DPYSL2: variants seen among roughly 807,000 people sequenced by gnomAD.
The protein encoded by DPYSL2 is dihydropyrimidinase like 2, also known as dihydropyrimidinase-related protein 2.
DPYSL2 carries 13 observed loss-of-function variants against 69.9 expected under a neutral mutation model. The observed-to-expected ratio is 0.19, with a 90% CI of 0.12 to 0.30. DPYSL2 has a LOEUF of 0.30. Ranked by LOEUF, DPYSL2 falls within the 10% of genes least tolerant of loss-of-function variation. DPYSL2 has a pLI of 1.00. For missense variants in DPYSL2, 587 were observed against 918.9 expected (o/e 0.64, Z 4.67); for synonymous variants, 326 against 359.1 (o/e 0.91, Z 1.04).
At chr8:26,604,374 G>A (rs1174340517) in intron 3 of DPYSL2, among the ~76,000 whole-genome samples, 1 of 152,230 alleles carries the variant, frequency 6.6e-6, no homozygotes, top group Non-Finnish European at 1.5e-5. Flanking sequence ...GAAAGCCAAT[G>A]AGTATTCTGC....
At chr8:26,590,274 A>G (rs62491913) in intron 3 of DPYSL2, among the ~76,000 whole-genome samples, 2,462 of 152,310 alleles carry the variant, frequency 0.016, 31 homozygotes, top group Middle Eastern at 0.068. Context: ...ACGTTATCCA[A>G]TGGGCCATTG....
intron 1 of DPYSL2, among the ~76,000 whole-genome samples, chr8:26,546,852 C>T (rs947130462): frequency 8.0e-6 from 1 of 124,736 alleles, no homozygotes; most frequent in Non-Finnish European, 1.6e-5. Flanking sequence ...ACCCGAGAGG[C>T]GGAGCTTGCA....
rs985772276 is a variant in DPYSL2 at position 26,621,468 on chromosome 8, T to A, written c.629-2675T>A. 2.6e-5 allele frequency among the ~76,000 whole-genome samples: 4 copies of A among 152,148 alleles called. No homozygotes were observed. The highest frequency in any genetic ancestry group is 4.4e-5 in the Non-Finnish European group (3 of 68,024). ...CCCCTCCTTTGCTGCTTGACCTGATTGCAAGTGGAATGTGAGAGCCAGAAG... is the reference window on the plus strand; with the variant it reads ...CCCCTCCTTTGCTGCTTGACCTGATAGCAAGTGGAATGTGAGAGCCAGAAG... On this transcript the variant is annotated intron_variant, in intron 3 of 13. Transcript: ENST00000521913. This position sits in a 1 kb window ranked among gnomAD's most constrained non-coding sequence, Gnocchi z 4.9.
chr8:26,603,290 A>C (rs1481779321), intron 3 of DPYSL2, among the ~76,000 whole-genome samples: 1 of 152,008 alleles, frequency 6.6e-6, no homozygotes, highest in African/African-American at 2.4e-5. Flanking sequence ...CTCCTGCCTC[A>C]GCCTTCTGAG....
Position 26,644,031 on chromosome 8 carries a change from G to A in DPYSL2, c.1365G>A (p.Leu455=). Residue 455 remains leucine (L), a synonymous_variant, in exon 10 of 14, where the codon CTG becomes CTA. Coordinates refer to ENST00000521913, the MANE Select transcript of DPYSL2 (RefSeq NM_001197293.3). This position sits in a 1 kb window ranked among gnomAD's most constrained non-coding sequence, Gnocchi z 4.5. ...CTGTAGGAAAGGACAACTTCACCCT[G>A]ATTCCGGAGGGCACCAATGGCACTG... The part of the protein sequence containing the change: ...QKAVGKDNFT[L]IPEGTNGTEE... 1 of 1,614,242 alleles carries A rather than the reference G, an allele frequency of 6.2e-7. No individual in the cohort carries two copies. Among genetic ancestry groups the A allele is most frequent in the Non-Finnish European group, 8.5e-7 (1 of 1,180,036 alleles).
At chr8:26,592,573 A>G (rs562468413) in intron 3 of DPYSL2, among the ~76,000 whole-genome samples, 149 of 151,140 alleles carry the variant, frequency 9.9e-4, no homozygotes, top group African/African-American at 3.5e-3. Flanking sequence ...CCTCCCAGGT[A>G]CAAGCCATTC....
chr8:26,594,748 C>A (rs897072449), intron 3 of DPYSL2, among the ~76,000 whole-genome samples: 6 of 152,174 alleles, frequency 3.9e-5, no homozygotes, highest in Non-Finnish European at 8.8e-5. Context: ...CAGTTGCATG[C>A]CACCTGATTC....
chr8:26,593,789 G>T lies in DPYSL2; in HGVS notation c.628+9806G>T, dbSNP rs1170667702. Among the ~76,000 whole-genome samples, 1 of 152,156 alleles carries T rather than the reference G, an allele frequency of 6.6e-6. No individual in the cohort carries two copies. Among genetic ancestry groups the T allele is most frequent in the Admixed American group, 6.5e-5 (1 of 15,280 alleles). Reference sequence around the variant, plus strand: ...TGTGGACTGCTGTCCCCAGCCTGTGGCCACCTGCTGTGCTGGTTTCCCTGA... The same window carrying T: ...TGTGGACTGCTGTCCCCAGCCTGTGTCCACCTGCTGTGCTGGTTTCCCTGA... On this transcript the variant is annotated intron_variant, in intron 3 of 13. Transcript: ENST00000521913. The surrounding 1 kb of genome is among the most constrained non-coding windows in gnomAD (Gnocchi z 5.7).
At chr8:26,579,692 C>T (rs1273432586) in intron 1 of DPYSL2, among the ~76,000 whole-genome samples, 1 of 152,110 alleles carries the variant, frequency 6.6e-6, no homozygotes, top group African/African-American at 2.4e-5. Context: ...TGAAGAAGGG[C>T]GCTAGCTTCT....
chr8:26,552,255 A>T (rs1016271403), intron 1 of DPYSL2, among the ~76,000 whole-genome samples: 1 of 152,198 alleles, frequency 6.6e-6, no homozygotes, highest in Non-Finnish European at 1.5e-5. Context: ...TTAATGAGAG[A>T]TTTATACCAT....
rs961545205 is a variant in DPYSL2, at chr8:26,627,373, G to A, written c.936+78G>A. 7.6e-6 allele frequency: 11 copies of A among 1,452,896 alleles called. No individual in the cohort carries two copies. The highest frequency in any genetic ancestry group is 1.1e-5 in the Non-Finnish European group (11 of 1,037,644). 90.0% of individuals were successfully genotyped at this position (1,452,896 alleles called of 1,614,324 possible). A position where few individuals can be genotyped will look rare whatever the true frequency, so the allele number is the denominator to read the frequency against. On this transcript the variant is annotated intron_variant, in intron 6 of 13. Coordinates refer to ENST00000521913, the MANE Select transcript of DPYSL2 (RefSeq NM_001197293.3). The surrounding 1 kb of genome is among the most constrained non-coding windows in gnomAD (Gnocchi z 6.9). ...GGCTCAAGAAAGGGAAGCTGCATCTGTAGCTTAACACCAAGGTGGAAAAGC... is the reference window on the plus strand; with the variant it reads ...GGCTCAAGAAAGGGAAGCTGCATCTATAGCTTAACACCAAGGTGGAAAAGC...
In DPYSL2 at chr8:26,624,326, A is replaced by G. The variant is rs373494906; in HGVS notation, c.793+19A>G. 197 of 1,612,650 alleles carry G rather than the reference A, an allele frequency of 1.2e-4. No individual in the cohort carries two copies. The highest frequency in any genetic ancestry group is 1.5e-4 in the Non-Finnish European group (174 of 1,179,128). On this transcript the variant is annotated intron_variant, in intron 4 of 13. Coordinates refer to ENST00000521913, the MANE Select transcript of DPYSL2 (RefSeq NM_001197293.3). The surrounding 1 kb of genome is among the most constrained non-coding windows in gnomAD (Gnocchi z 4.7). Reference sequence around the variant, plus strand: ...GATCACGGTAGGTTGCACTGAGTCAATGCCCTCTGCAGATGTTTCCGCTTC... The same window carrying G: ...GATCACGGTAGGTTGCACTGAGTCAGTGCCCTCTGCAGATGTTTCCGCTTC...
rs150721867 is a variant in DPYSL2, at chr8:26,605,423, C to G, written c.629-18720C>G. On this transcript the variant is annotated intron_variant, in intron 3 of 13. Coordinates refer to ENST00000521913, the MANE Select transcript of DPYSL2 (RefSeq NM_001197293.3). The surrounding 1 kb of genome is among the most constrained non-coding windows in gnomAD (Gnocchi z 4.1). ...GCCTCAGCCTCTCAAGTAGAGTAGC[C>G]AGGATTACATGCACCCACTACCACA... 1.7e-3 allele frequency among the ~76,000 whole-genome samples: 262 copies of G among 152,032 alleles called. 1 individual carries two copies. Among genetic ancestry groups the G allele is most frequent in the African/African-American group, 5.6e-3 (233 of 41,466 alleles).
chr8:26,532,073 G>T (rs1026034610), intron 1 of DPYSL2, among the ~76,000 whole-genome samples: 1 of 151,900 alleles, frequency 6.6e-6, no homozygotes, highest in Non-Finnish European at 1.5e-5. Context: ...GAGAGAGGAA[G>T]GCCCCAGAAG....
intron 3 of DPYSL2, among the ~76,000 whole-genome samples, chr8:26,622,145 CCTTCCT>C (rs1802501916): frequency 3.5e-5 from 2 of 57,166 alleles, no homozygotes; most frequent in African/African-American, 5.4e-5. Flanking sequence ...TTCCTTCCTT[CCTTCCT>C]TCCTTCCCTC....
Position 26,585,007 on chromosome 8 carries a change from G to C in DPYSL2, c.628+1024G>C, listed in dbSNP as rs7828110. 8.9e-4 allele frequency among the ~76,000 whole-genome samples: 136 copies of C among 152,294 alleles called. No homozygotes were observed. The highest frequency in any genetic ancestry group is 1.7e-3 in the Non-Finnish European group (118 of 68,026). On this transcript the variant is annotated intron_variant, in intron 3 of 13. Transcript: ENST00000521913. This position sits in a 1 kb window ranked among gnomAD's most constrained non-coding sequence, Gnocchi z 4.0. ...AATATTAAGAGTTTGCTTGTGAACTGCTAGATTCCAGCATGCCCACTGATT... is the reference window on the plus strand; with the variant it reads ...AATATTAAGAGTTTGCTTGTGAACTCCTAGATTCCAGCATGCCCACTGATT...
chr8:26,577,578 C>T (rs1311833723), intron 1 of DPYSL2, among the ~76,000 whole-genome samples: 1 of 149,594 alleles, frequency 6.7e-6, no homozygotes, highest in African/African-American at 2.4e-5. Flanking sequence ...CGTGCGGCCC[C>T]GAAGCCCCGC....
rs977924090 is a variant in DPYSL2 at position 26,658,042 on chromosome 8, A to G, written c.*2336A>G. 2.6e-5 allele frequency: 4 copies of G among 152,524 alleles called. No homozygotes were observed. Among genetic ancestry groups the G allele is most frequent in the African/African-American group, 9.7e-5 (4 of 41,410 alleles). The allele number at this position is 152,524 out of a possible 1,614,324, so 9.4% of individuals were successfully genotyped here. On this transcript the variant is annotated 3_prime_UTR_variant, in exon 14 of 14. Coordinates refer to ENST00000521913, the MANE Select transcript of DPYSL2 (RefSeq NM_001197293.3). The surrounding 1 kb of genome is among the most constrained non-coding windows in gnomAD (Gnocchi z 4.7). ...TGATAAAGTGTGTAGCCAGAAGAGT[A>G]CTTTTTTTTTTGTAACCACTGTCTT...
intron 1 of DPYSL2, among the ~76,000 whole-genome samples, chr8:26,579,872 C>T (rs559138728): frequency 1.3e-3 from 168 of 133,508 alleles, no homozygotes; most frequent in Non-Finnish European, 1.9e-3. Flanking sequence ...AAGGCAGCTT[C>T]ATTTTGACAG....
Sources: gnomAD v4.1 joint callset for allele counts (sites outside exome capture counted in the v4.1 genomes callset) on GRCh38, gnomAD v4.1.1 for gene constraint, Gnocchi (gnomAD v3.1) non-coding constraint, MANE v1.5 for transcripts, NCBI Gene and HGNC (gene_info 2026-07-23, HGNC 2026-07-21) for gene names.